The following RPS6KA2 variants were observed in gnomAD, a reference collection of about 807,000 sequenced individuals.
RPS6KA2 encodes the protein ribosomal protein S6 kinase alpha-2.
A neutral mutation model predicts 91.8 loss-of-function variants in RPS6KA2; 42 were observed. The observed-to-expected ratio is 0.46, with a 90% CI of 0.36 to 0.59. The LOEUF (loss-of-function observed/expected upper bound fraction) is 0.59. Among genes scored for constraint, RPS6KA2 ranks in the 20% least tolerant of loss-of-function variants. The pLI, the probability that RPS6KA2 is intolerant of heterozygous loss-of-function variation, is 0.00. For missense variants in RPS6KA2, 798 were observed against 978.5 expected (o/e 0.82, Z 2.46); for synonymous variants, 414 against 393.6 (o/e 1.05, Z -0.61).
chr6:166,645,523 C>T (rs565324968), intron 2 of RPS6KA2, among the ~76,000 whole-genome samples: 4 of 152,294 alleles, frequency 2.6e-5, no homozygotes, highest in Admixed American at 2.0e-4. Context: ...CACCTCTGTC[C>T]CTCTCCTAGG....
intron 2 of RPS6KA2, among the ~76,000 whole-genome samples, chr6:166,782,095 A>G (rs1047295910): frequency 2.0e-5 from 3 of 152,220 alleles, no homozygotes; most frequent in African/African-American, 7.2e-5. Context: ...GTTTGAGACC[A>G]GCCTGGCTAA....
intron 2 of RPS6KA2, among the ~76,000 whole-genome samples, chr6:166,782,064 C>T (rs770285884): frequency 5.9e-5 from 9 of 152,168 alleles, no homozygotes; most frequent in Non-Finnish European, 8.8e-5. Context: ...CCAAGGTTGG[C>T]GGATCATCTT....
intron 1 of RPS6KA2, among the ~76,000 whole-genome samples, chr6:166,613,151 A>C (rs1202020900): frequency 6.6e-6 from 1 of 152,170 alleles, no homozygotes; most frequent in Non-Finnish European, 1.5e-5. Flanking sequence ...CCAGTCCTGA[A>C]ACATGCCTGC....
In RPS6KA2 at chr6:166,837,545, C is replaced by T. The variant is rs938190843; in HGVS notation, c.123+20655G>A. On this transcript the variant is annotated intron_variant, in intron 2 of 21. Coordinates refer to the RPS6KA2 transcript ENST00000503859. ...TCCCCGCTCCTGCCTAGCCCCCAGT[C>T]CCCTCCCCCTGCGAGAAGGCTGCAG... Among the ~76,000 whole-genome samples the T allele has an allele frequency of 3.9e-5, 6 of 152,342 alleles. 1 individual carries two copies. Among genetic ancestry groups the T allele is most frequent in the African/African-American group, 1.2e-4 (5 of 41,586 alleles).
At position 166,474,484 on chromosome 6, in the gene RPS6KA2, A is replaced by G. The variant is rs139610571; in HGVS notation, c.908-4579T>C. On this transcript the variant is annotated intron_variant, in intron 10 of 20. Coordinates refer to ENST00000265678, the MANE Select transcript of RPS6KA2 (RefSeq NM_021135.6). The stretch of plus-strand genomic sequence containing the variant: ...TAAACTTCCCCCTGGGAGTCTCAGA[A>G]TATCTCATGAGTTTCTAGGAGAAGC... 5.8e-4 allele frequency among the ~76,000 whole-genome samples: 89 copies of G among 152,296 alleles called. No individual in the cohort carries two copies. In the East Asian group the frequency reaches 0.015, roughly 26 times the overall value.
intron 2 of RPS6KA2, among the ~76,000 whole-genome samples, chr6:166,823,478 G>T (rs1394090970): frequency 2.1e-5 from 3 of 145,114 alleles, no homozygotes; most frequent in Non-Finnish European, 4.6e-5. Context: ...TGTGTGTAAA[G>T]GGTGACCTTA....
chr6:166,558,472 A>G (rs902734270), intron 1 of RPS6KA2, among the ~76,000 whole-genome samples: 9 of 152,174 alleles, frequency 5.9e-5, no homozygotes, highest in African/African-American at 1.9e-4. Context: ...CATACCCAGA[A>G]TAAGGGTTAA....
At chr6:166,420,847 C>T (rs1043753855) in intron 17 of RPS6KA2, among the ~76,000 whole-genome samples, 1 of 152,184 alleles carries the variant, frequency 6.6e-6, no homozygotes. Context: ...TTACATACTT[C>T]AGTAGAGGGC....
intron 1 of RPS6KA2, among the ~76,000 whole-genome samples, chr6:166,577,887 G>A (rs1285512603): frequency 6.6e-6 from 1 of 152,202 alleles, no homozygotes; most frequent in Admixed American, 6.5e-5. Flanking sequence ...ATTCCCTTGT[G>A]TTGGGAGAGG....
At chr6:166,467,174 A>T (rs556178311) in intron 11 of RPS6KA2, among the ~76,000 whole-genome samples, 2 of 151,092 alleles carry the variant, frequency 1.3e-5, no homozygotes, top group Non-Finnish European at 2.9e-5. Context: ...TCACTCACTC[A>T]CTCCCTTACT....
intron 2 of RPS6KA2, among the ~76,000 whole-genome samples, chr6:166,531,934 A>AT (rs1311849698): frequency 5.9e-5 from 9 of 152,170 alleles, no homozygotes; most frequent in Non-Finnish European, 8.8e-5. Flanking sequence ...TGTATTAGTG[A>AT]TTTTTTAACA....
At chr6:166,427,855 C>T (rs1182795488) in intron 16 of RPS6KA2, among the ~76,000 whole-genome samples, 21 of 152,252 alleles carry the variant, frequency 1.4e-4, no homozygotes, top group African/African-American at 4.6e-4. Context: ...GAATCAATAT[C>T]GTGAAAATGG....
intron 2 of RPS6KA2, among the ~76,000 whole-genome samples, chr6:166,644,153 T>C (rs965163407): frequency 6.6e-6 from 1 of 152,186 alleles, no homozygotes; most frequent in African/African-American, 2.4e-5. Context: ...TTCCTCTTTT[T>C]AAGCCAGTAA....
chr6:166,475,987 C>G, intron 10 of RPS6KA2: 1 of 369,770 alleles, frequency 2.7e-6, no homozygotes, highest in Non-Finnish European at 5.6e-6. Context: ...TGCTGAAGCC[C>G]TAATCCCCAA....
rs1423706249 is a variant in RPS6KA2 at position 166,767,509 on chromosome 6, G to T, written c.123+90691C>A. Among the ~76,000 whole-genome samples the T allele has an allele frequency of 6.6e-6, 1 of 152,110 alleles. No individual in the cohort carries two copies. The highest frequency in any genetic ancestry group is 6.5e-5 in the Admixed American group (1 of 15,268). On this transcript the variant is annotated intron_variant, in intron 2 of 21. Coordinates refer to the RPS6KA2 transcript ENST00000503859. The surrounding 1 kb of genome is among the most constrained non-coding windows in gnomAD (Gnocchi z 4.6). ...AAAATTAATTTTGTGACTCAGCTGA[G>T]GGCTGCTGCTGTCACCCAGGAGCCC...
chr6:166,755,966 A>G (rs1777996901), intron 2 of RPS6KA2, among the ~76,000 whole-genome samples: 1 of 152,200 alleles, frequency 6.6e-6, no homozygotes, highest in Non-Finnish European at 1.5e-5. Context: ...AACAACTTTC[A>G]TTCACATTAT....
chr6:166,549,659 G>A (rs573349907), intron 1 of RPS6KA2, among the ~76,000 whole-genome samples: 1 of 151,918 alleles, frequency 6.6e-6, no homozygotes, highest in Non-Finnish European at 1.5e-5. Context: ...GTGTTGGGGG[G>A]GTGTGTGTGT....
chr6:166,626,987 G>A lies in RPS6KA2; in HGVS notation c.33C>T (p.Arg11=), dbSNP rs373161580. 7 of 1,552,904 alleles carry A rather than the reference G, an allele frequency of 4.5e-6. No individual in the cohort carries two copies. Among genetic ancestry groups the A allele is most frequent in the African/African-American group, 2.8e-5 (2 of 70,998 alleles). The change falls in exon 1 of 21, where the codon CGC becomes CGT. Residue 11 remains arginine, a synonymous_variant. Coordinates refer to ENST00000265678, the MANE Select transcript of RPS6KA2 (RefSeq NM_021135.6). The surrounding 1 kb of genome is among the most constrained non-coding windows in gnomAD (Gnocchi z 4.1). MDLSMKKFAV[R]RFFSVYLRRK... is the part of the protein sequence containing the mutation. ...TGCGCAGGTACACAGAGAAGAACCT[G>A]CGCACGGCGAACTTCTTCATGCTCA... is the stretch of plus-strand genomic sequence containing the variant.
In RPS6KA2 at chr6:166,412,789, C is replaced by T. The variant is rs760886545; in HGVS notation, c.2175G>A (p.Met725Ile). Residue 725 changes from methionine (M) to isoleucine (I), a missense_variant, in exon 21 of 21, where the codon ATG (methionine) becomes ATA (isoleucine). By Grantham distance (10) the Met-to-Ile change is conservative. Transcript: ENST00000265678. The surrounding 1 kb of genome is among the most constrained non-coding windows in gnomAD (Gnocchi z 4.3). ...LSSNLAQRRGMKRLTSTRL is the reference protein window; with the variant it reads ...LSSNLAQRRGIKRLTSTRL ...ACAGCCGCGTGGACGTGAGTCTCTTCATGCCTCTGCGCTGAGCCAGGTTGG... is the reference window on the plus strand; with the variant it reads ...ACAGCCGCGTGGACGTGAGTCTCTTTATGCCTCTGCGCTGAGCCAGGTTGG... 8.1e-6 allele frequency: 13 copies of T among 1,596,836 alleles called. No homozygotes were observed. The highest frequency in any genetic ancestry group is 1.0e-5 in the Non-Finnish European group (12 of 1,173,234).
Sources: allele counts gnomAD v4.1 joint callset (sites outside exome capture counted in the v4.1 genomes callset), GRCh38; gene constraint gnomAD v4.1.1; non-coding constraint Gnocchi (gnomAD v3.1); transcripts MANE v1.5; gene names NCBI Gene and HGNC (gene_info 2026-07-23, HGNC 2026-07-21).